The following SUPT20H variants were observed in gnomAD, a reference collection of about 807,000 sequenced individuals.
SUPT20H encodes SPT20 homolog, SAGA complex component.
SUPT20H carries 82 observed loss-of-function variants against 122.8 expected under a neutral mutation model. That is an observed-to-expected ratio of 0.67 (90% CI 0.56 to 0.80). SUPT20H has a LOEUF of 0.80. Among genes scored for constraint, SUPT20H ranks in the 30% least tolerant of loss-of-function variants. SUPT20H has a pLI of 0.00. For missense variants in SUPT20H, 831 were observed against 921.6 expected (o/e 0.90, Z 1.27); for synonymous variants, 291 against 313.0 (o/e 0.93, Z 0.74).
At chr13:37,049,357 G>A (rs1346567568) in intron 2 of SUPT20H, among the ~76,000 whole-genome samples, 1 of 151,908 alleles carries the variant, frequency 6.6e-6, no homozygotes, top group Non-Finnish European at 1.5e-5. Context: ...TAGAGACGAG[G>A]AAAAAACATG....
chr13:37,019,760 T>C (rs1306997872), intron 21 of SUPT20H, among the ~76,000 whole-genome samples: 1 of 152,230 alleles, frequency 6.6e-6, no homozygotes, highest in Admixed American at 6.5e-5. Context: ...GGCATCTATT[T>C]ACATTTCTCA....
chr13:37,043,068 C>T (rs1259593509), intron 7 of SUPT20H, among the ~76,000 whole-genome samples: 1 of 151,992 alleles, frequency 6.6e-6, no homozygotes, highest in African/African-American at 2.4e-5. Flanking sequence ...AGATGCTCAA[C>T]CTGTAACACA....
chr13:37,021,634 C>A, intron 20 of SUPT20H, 32 bp from the exon 21 acceptor site: 1 of 1,568,488 alleles, frequency 6.4e-7, no homozygotes, highest in Non-Finnish European at 8.6e-7. Context: ...CATTAAACTT[C>A]ACTGTAAAAG....
intron 1 of SUPT20H, among the ~76,000 whole-genome samples, chr13:37,051,893 A>G (rs1566358576): frequency 1.3e-5 from 2 of 152,188 alleles, no homozygotes; most frequent in African/African-American, 4.8e-5. Flanking sequence ...TCTCTTCTCT[A>G]TCACTACTGT....
intron 25 of SUPT20H, 90 bp downstream of exon 25, chr13:37,010,462 C>T: frequency 8.5e-7 from 1 of 1,170,740 alleles, no homozygotes; most frequent in Non-Finnish European, 1.3e-6. Flanking sequence ...TCTTAAAAGA[C>T]AGTAAAATAA....
Position 37,017,275 on chromosome 13 carries a change from T to C in SUPT20H, c.1962A>G (p.Thr654=), listed in dbSNP as rs1566127333. The C allele has an allele frequency of 6.2e-7, 1 of 1,614,112 alleles. No homozygotes were observed. Among genetic ancestry groups the C allele is most frequent in the African/African-American group, 1.3e-5 (1 of 75,040 alleles). The part of the protein sequence containing the change: ...QFTPQQPQQP[T]TCSPQQPGEQ... ...CCCCTGGCTGTTGAGGACTACAAGT[T>C]GTGGGCTGCTGAGGTTGTTGTGGTG... The change falls in exon 23 of 26, where the codon ACA becomes ACG. Residue 654 remains threonine, a synonymous_variant. Coordinates refer to ENST00000350612, the MANE Select transcript of SUPT20H (RefSeq NM_001014286.3).
chr13:37,030,590 G>A (rs951710823), intron 12 of SUPT20H, among the ~76,000 whole-genome samples: 65 of 152,130 alleles, frequency 4.3e-4, no homozygotes, highest in African/African-American at 1.5e-3. Flanking sequence ...GTGGTCCATG[G>A]ACCCCAGCAT....
Position 37,009,826 on chromosome 13 carries a change from A to G in SUPT20H, c.2203-17T>C. The G allele has an allele frequency of 6.2e-7, 1 of 1,603,570 alleles. No homozygotes were observed. The highest frequency in any genetic ancestry group is 8.5e-7 in the Non-Finnish European group (1 of 1,176,802). On this transcript the variant is annotated splice_polypyrimidine_tract_variant and intron_variant, in intron 25 of 25. Coordinates refer to ENST00000350612, the MANE Select transcript of SUPT20H (RefSeq NM_001014286.3). ...TCGCAACTGCTGCAAAAGGGAGGGA[A>G]AAAAATCGAGTTATGTTAAATGCAG...
chr13:37,010,660 A>G lies in SUPT20H; in HGVS notation c.2099-5T>C, dbSNP rs371872790. The G allele has an allele frequency of 3.7e-4, 591 of 1,612,026 alleles. 3 individuals are homozygous for G. The highest frequency in any genetic ancestry group is 4.8e-4 in the Admixed American group (29 of 59,852). The stretch of plus-strand genomic sequence containing the variant: ...CAGAGCCAAGCTGAGACAACACTAC[A>G]GAGAGGAGAAGGGGAAAGCAGGCCA... On this transcript the variant is annotated splice_polypyrimidine_tract_variant and splice_region_variant and intron_variant, in intron 24 of 25. Coordinates refer to ENST00000350612, the MANE Select transcript of SUPT20H (RefSeq NM_001014286.3).
At chr13:37,028,774 C>A (rs942453224) in intron 13 of SUPT20H, among the ~76,000 whole-genome samples, 1 of 151,620 alleles carries the variant, frequency 6.6e-6, no homozygotes, top group Non-Finnish European at 1.5e-5. Flanking sequence ...AGGGAGTTAG[C>A]AGTCTGTCCC....
intron 23 of SUPT20H, among the ~76,000 whole-genome samples, chr13:37,017,001 T>C (rs1217563868): frequency 6.6e-6 from 1 of 152,208 alleles, no homozygotes; most frequent in Non-Finnish European, 1.5e-5. Context: ...ACTCACTGTA[T>C]GGCTAAGAGC....
intron 5 of SUPT20H, 179 bp downstream of exon 5, chr13:37,047,356 G>GATC: frequency 1.9e-6 from 1 of 534,892 alleles, no homozygotes; most frequent in South Asian, 2.8e-5. Flanking sequence ...CTCAGCAGGT[G>GATC]ATCTCTGCCT....
chr13:37,040,136 C>T (rs1412927839), intron 9 of SUPT20H: 2 of 302,718 alleles, frequency 6.6e-6, no homozygotes, highest in Non-Finnish European at 6.0e-6. Flanking sequence ...CATTTTTCTT[C>T]TGTTTGAGAG....
intron 12 of SUPT20H, 61 bp downstream of exon 12, chr13:37,031,506 C>T: frequency 8.7e-7 from 1 of 1,145,944 alleles, no homozygotes; most frequent in Non-Finnish European, 1.2e-6. Flanking sequence ...AAGGTATAAG[C>T]AACCGAATAG....
chr13:37,020,563 G>A (rs555162691), intron 21 of SUPT20H, among the ~76,000 whole-genome samples: 56 of 152,248 alleles, frequency 3.7e-4, no homozygotes, highest in Admixed American at 8.5e-4. Context: ...AATATCCTAA[G>A]TTCAAGATGT....
intron 1 of SUPT20H, among the ~76,000 whole-genome samples, chr13:37,052,103 T>C (rs932630487): frequency 5.9e-5 from 9 of 152,114 alleles, no homozygotes; most frequent in Non-Finnish European, 8.8e-5. Context: ...AATGGCCATA[T>C]TGCCCTAAGT....
At chr13:37,028,033 T>G (rs898382317) in intron 14 of SUPT20H, 115 bp downstream of exon 14, 1 of 953,020 alleles carries the variant, frequency 1.0e-6, no homozygotes, top group Middle Eastern at 3.5e-4. Flanking sequence ...ATTTAACTAA[T>G]AAGTGAGTTC....
chr13:37,038,868 C>G (rs117163780), intron 9 of SUPT20H: 26 of 152,256 alleles, frequency 1.7e-4, no homozygotes, highest in Admixed American at 6.5e-4. Flanking sequence ...ACCAGAGCAA[C>G]AGGAATTCTG....
At chr13:37,056,382 T>C (rs960595981) in intron 1 of SUPT20H, among the ~76,000 whole-genome samples, 3 of 152,188 alleles carry the variant, frequency 2.0e-5, no homozygotes, top group South Asian at 4.1e-4. Flanking sequence ...CCAACAATGA[T>C]AGACTGGATT....
Sources: allele counts gnomAD v4.1 joint callset (sites outside exome capture counted in the v4.1 genomes callset), GRCh38; gene constraint gnomAD v4.1.1; transcripts MANE v1.5; gene names NCBI Gene and HGNC (gene_info 2026-07-23, HGNC 2026-07-21).